Variants in PCDHA8 observed in about 807,000 individuals in gnomAD.
The protein encoded by PCDHA8 is protocadherin alpha-8.
PCDHA8 carries 53 observed loss-of-function variants against 61.8 expected under a neutral mutation model. That is an observed-to-expected ratio of 0.86 (90% CI 0.69 to 1.08). The LOEUF is 1.08. PCDHA8 is among the 50% of genes least tolerant of loss of function. The probability of loss-of-function intolerance (pLI) is 0.00; values close to 1 mark genes in which losing one functional copy is unlikely to be tolerated. For missense variants in PCDHA8, 1,293 were observed against 1,245.0 expected (o/e 1.04, Z -0.58); for synonymous variants, 618 against 556.6 (o/e 1.11, Z -1.55).
At chr5:140,918,848 G>T (rs2078891260) in intron 1 of PCDHA8, among the ~76,000 whole-genome samples, 1 of 152,134 alleles carries the variant, frequency 6.6e-6, no homozygotes, top group Admixed American at 6.5e-5. Flanking sequence ...TAAATCTGCT[G>T]GTGCCTGAAT....
At chr5:140,962,312 A>G (rs2095671896) in intron 1 of PCDHA8, among the ~76,000 whole-genome samples, 1 of 152,204 alleles carries the variant, frequency 6.6e-6, no homozygotes, top group African/African-American at 2.4e-5. Context: ...TTGTTAGGCC[A>G]TCTCAATTGA....
chr5:140,863,202 G>A (rs559007513), intron 1 of PCDHA8: 5 of 934,632 alleles, frequency 5.3e-6, no homozygotes, highest in African/African-American at 1.7e-5. Flanking sequence ...CGTCGCTGGC[G>A]GAGAGCAGCC....
chr5:141,000,421 ATTTTTT>A (rs34755515), intron 3 of PCDHA8, among the ~76,000 whole-genome samples: 34 of 27,962 alleles, frequency 1.2e-3, no homozygotes, highest in East Asian at 9.9e-3. Context: ...ATATATATAT[ATTTTTT>A]TTTTTTTTTT....
rs189370080 is a variant in PCDHA8 at position 140,877,740 on chromosome 5, G to C, written c.2394+34025G>C. 2.8e-3 allele frequency: 4,494 copies of C among 1,614,198 alleles called. 21 individuals carry two copies. Among genetic ancestry groups the C allele is most frequent in the African/African-American group, 0.01 (782 of 75,064 alleles). On this transcript the variant is annotated intron_variant, in intron 1 of 3. Transcript: ENST00000531613. ...GGTCTTACTCGCAGCAGAGGAGGCA[G>C]AGGGTGTGCTCTGCAGAGAGCCCGC...
At chr5:140,870,029 A>T (rs1201766971) in intron 1 of PCDHA8, 4 of 1,613,792 alleles carry the variant, frequency 2.5e-6, no homozygotes, top group Non-Finnish European at 3.4e-6. Flanking sequence ...ACTTTAGATT[A>T]TGAAGAAAAC....
chr5:140,862,489 C>T (rs1385240823), intron 1 of PCDHA8: 1 of 384,600 alleles, frequency 2.6e-6, no homozygotes, highest in Non-Finnish European at 5.2e-6. Context: ...TGTTGGTAAT[C>T]GCTCGGAATG....
chr5:140,989,215 C>T (rs1162430361), intron 3 of PCDHA8, among the ~76,000 whole-genome samples: 1 of 152,108 alleles, frequency 6.6e-6, no homozygotes, highest in Non-Finnish European at 1.5e-5. Flanking sequence ...CTTTATACAC[C>T]ATTCTTTGTA....
At chr5:140,973,358 A>G (rs1450961086) in intron 1 of PCDHA8, among the ~76,000 whole-genome samples, 1 of 152,234 alleles carries the variant, frequency 6.6e-6, no homozygotes, top group Non-Finnish European at 1.5e-5. Flanking sequence ...GTGAATTTAT[A>G]AAAATTGCAC....
In PCDHA8 at chr5:140,968,804, G is replaced by T. The variant is rs147800392; in HGVS notation, c.2395-10145G>T. ...AGCCTCTGTGGCCATTACAGTAGCT[G>T]TGGTGGATAGGGTTTCCAAAATCCT... On this transcript the variant is annotated intron_variant, in intron 1 of 3. Transcript: ENST00000531613. 703 of 1,614,106 alleles carry T rather than the reference G, an allele frequency of 4.4e-4. No homozygotes were observed. The highest frequency in any genetic ancestry group is 5.7e-4 in the Non-Finnish European group (677 of 1,180,052).
In PCDHA8 at chr5:140,877,039, C is replaced by T. The variant is rs782458785; in HGVS notation, c.2394+33324C>T. ...CGGCAAGGTGTACGCGCTGCAGCCG[C>T]TAGACCACGAGGAGCTGGAGCTGCT... is the stretch of plus-strand genomic sequence containing the variant. On this transcript the variant is annotated intron_variant, in intron 1 of 3. Transcript: ENST00000531613. The T allele has an allele frequency of 3.7e-6, 6 of 1,612,576 alleles. No homozygotes were observed. In the African/African-American group the frequency reaches 5.3e-5, roughly 14 times the overall value.
At chr5:140,850,611 G>A (rs1353719119) in intron 1 of PCDHA8, 2 of 1,598,474 alleles carry the variant, frequency 1.3e-6, no homozygotes, top group Non-Finnish European at 1.7e-6. Context: ...CGCCATCTGC[G>A]CGGTGTCTAG....
At chr5:140,927,511 G>A (rs1563093224) in intron 1 of PCDHA8, 1 of 1,614,120 alleles carries the variant, frequency 6.2e-7, no homozygotes, top group Non-Finnish European at 8.5e-7. Context: ...TACAGCTCGG[G>A]ACGGCGGGCT....
At chr5:140,976,888 A>C (rs1050816491) in intron 1 of PCDHA8, among the ~76,000 whole-genome samples, 1 of 152,218 alleles carries the variant, frequency 6.6e-6, no homozygotes, top group Non-Finnish European at 1.5e-5. Context: ...ATTAGGATAC[A>C]TGCAACAGTA....
At chr5:140,863,810 C>T (rs1554158466) in intron 1 of PCDHA8, 8 of 203,770 alleles carry the variant, frequency 3.9e-5, no homozygotes, top group South Asian at 2.6e-4. Context: ...ACCAGCCTGG[C>T]CAACATGGTG....
chr5:140,883,951 C>T (rs782324778), intron 1 of PCDHA8: 7 of 1,613,222 alleles, frequency 4.3e-6, no homozygotes, highest in African/African-American at 2.7e-5. Flanking sequence ...AGAACGACAA[C>T]GCTCCGGCGC....
At chr5:140,976,515 C>T (rs1285704969) in intron 1 of PCDHA8, among the ~76,000 whole-genome samples, 1 of 152,016 alleles carries the variant, frequency 6.6e-6, no homozygotes, top group Non-Finnish European at 1.5e-5. Flanking sequence ...CGCGCCACTG[C>T]ACACCAGCCT....
At chr5:140,870,711 G>T (rs781786878) in intron 1 of PCDHA8, 1 of 1,613,108 alleles carries the variant, frequency 6.2e-7, no homozygotes, top group Non-Finnish European at 8.5e-7. Flanking sequence ...AGGTGAGCGC[G>T]CGCGATGCGG....
intron 1 of PCDHA8, chr5:140,858,710 T>C (rs2150436389): frequency 5.6e-6 from 3 of 537,418 alleles, no homozygotes; most frequent in South Asian, 5.1e-5. Flanking sequence ...ATATGTGATA[T>C]AGGTTGCAGT....
chr5:140,880,822 A>T (rs893258483), intron 1 of PCDHA8, among the ~76,000 whole-genome samples: 2 of 152,206 alleles, frequency 1.3e-5, no homozygotes, highest in Non-Finnish European at 2.9e-5. Flanking sequence ...GAGTGTCTGG[A>T]AGGGCATATT....
Sources: gnomAD v4.1 joint callset for allele counts (sites outside exome capture counted in the v4.1 genomes callset) on GRCh38, gnomAD v4.1.1 for gene constraint, MANE v1.5 for transcripts, NCBI Gene and HGNC (gene_info 2026-07-23, HGNC 2026-07-21) for gene names.